TARS1: variants seen among roughly 807,000 people sequenced by gnomAD.
The protein encoded by TARS1 is threonine--tRNA ligase 1, cytoplasmic.
A neutral mutation model predicts 97.7 loss-of-function variants in TARS1; 57 were observed. The observed-to-expected ratio is 0.58, with a 90% CI of 0.47 to 0.73. The LOEUF is 0.73. Among genes scored for constraint, TARS1 ranks in the 30% least tolerant of loss-of-function variants. The pLI, the probability that TARS1 is intolerant of heterozygous loss-of-function variation, is 0.00. For missense variants in TARS1, 806 were observed against 888.3 expected (o/e 0.91, Z 1.18); for synonymous variants, 312 against 293.7 (o/e 1.06, Z -0.64).
chr5:33,441,204 G>A, intron 1 of TARS1, 61 bp downstream of exon 1: 1 of 1,599,414 alleles, frequency 6.3e-7, no homozygotes. Context: ...CAGACGCTAC[G>A]CTCGCGGCGG....
chr5:33,448,663 G>T lies in TARS1; in HGVS notation c.261G>T (p.Leu87Phe). The change falls in exon 3 of 19, where the codon TTG becomes TTT. Residue 87 changes from leucine to phenylalanine, a missense_variant. Physicochemically the swap from Leu to Phe is conservative, Grantham distance 22 (BLOSUM62 0). Around this residue, in one of 3 missense-constraint regions of TARS1, gnomAD observed 356 missense variants for 357.8 expected, o/e 0.99. Coordinates refer to ENST00000265112, the MANE Select transcript of TARS1 (RefSeq NM_152295.5). ...EKDSKPIKVT[L>F]PDGKQVDAES... ...ATAGCAAGCCAATTAAAGTCACTTT[G>T]CCTGATGGTAAACAGGTTGATGCGG... 6.2e-7 allele frequency: 1 copy of T among 1,613,886 alleles called. No individual in the cohort carries two copies. The highest frequency in any genetic ancestry group is 8.5e-7 in the Non-Finnish European group (1 of 1,179,900).
In TARS1 at chr5:33,463,753, G is replaced by A. The variant is rs1742403673; in HGVS notation, c.1836G>A (p.Trp612Ter). The change falls in exon 17 of 19, where the codon TGG becomes TGA. Residue 612 changes from tryptophan to a stop codon, truncating the protein, a stop_gained and splice_region_variant. Coordinates refer to ENST00000265112, the MANE Select transcript of TARS1 (RefSeq NM_152295.5). LOFTEE classifies it high-confidence loss of function. The part of the protein sequence containing the change: ...AILTENYGGK[W>*]PFWLSPRQVM... Reference sequence around the variant, plus strand: ...TGAATATTTTTATTCTCTTCCAAAGGCCCTTTTGGCTGTCCCCTCGCCAGG... The same window carrying A: ...TGAATATTTTTATTCTCTTCCAAAGACCCTTTTGGCTGTCCCCTCGCCAGG... 1 of 1,610,530 alleles carries A rather than the reference G, an allele frequency of 6.2e-7. No homozygotes were observed. Among genetic ancestry groups the A allele is most frequent in the Non-Finnish European group, 8.5e-7 (1 of 1,178,068 alleles).
chr5:33,449,294 G>C (rs1269102384), intron 3 of TARS1, among the ~76,000 whole-genome samples: 1 of 149,428 alleles, frequency 6.7e-6, no homozygotes. Flanking sequence ...ATCAAAATAA[G>C]AGTTGGTAAA....
intron 4 of TARS1, among the ~76,000 whole-genome samples, chr5:33,454,596 C>G (rs945924536): frequency 2.0e-5 from 3 of 152,204 alleles, no homozygotes; most frequent in Non-Finnish European, 4.4e-5. Context: ...CACATTGACT[C>G]AAAAGAACCT....
chr5:33,464,261 G>A (rs1442680261), intron 17 of TARS1, among the ~76,000 whole-genome samples: 1 of 152,094 alleles, frequency 6.6e-6, no homozygotes, highest in Admixed American at 6.6e-5. Flanking sequence ...AACCAGATTA[G>A]CAGATATCAG....
Position 33,448,662 on chromosome 5 carries a change from T to C in TARS1, c.260T>C (p.Leu87Ser). Reference protein sequence around the residue: ...EKDSKPIKVTLPDGKQVDAES... With the variant: ...EKDSKPIKVTSPDGKQVDAES... ...GATAGCAAGCCAATTAAAGTCACTTTGCCTGATGGTAAACAGGTTGATGCG... is the reference window on the plus strand; with the variant it reads ...GATAGCAAGCCAATTAAAGTCACTTCGCCTGATGGTAAACAGGTTGATGCG... Residue 87 changes from leucine (L) to serine (S), a missense_variant, in exon 3 of 19, where the codon TTG becomes TCG. Physicochemically the swap from Leu to Ser is moderately radical, Grantham distance 145. Around this residue, in one of 3 missense-constraint regions of TARS1, gnomAD observed 356 missense variants for 357.8 expected, o/e 0.99. Coordinates refer to ENST00000265112, the MANE Select transcript of TARS1 (RefSeq NM_152295.5). 6.2e-7 allele frequency: 1 copy of C among 1,613,946 alleles called. No homozygotes were observed. The highest frequency in any genetic ancestry group is 8.5e-7 in the Non-Finnish European group (1 of 1,179,912).
rs1327087255 is a variant in TARS1 at position 33,460,681 on chromosome 5, C to T, written c.1251-221C>T. ...CCCAGATTCTTCAGTTGTTGGAATACGTTTTTTAATTCTTCACTGTGGTTC... is the reference window on the plus strand; with the variant it reads ...CCCAGATTCTTCAGTTGTTGGAATATGTTTTTTAATTCTTCACTGTGGTTC... On this transcript the variant is annotated intron_variant, in intron 11 of 18. Coordinates refer to ENST00000265112, the MANE Select transcript of TARS1 (RefSeq NM_152295.5). Among the ~76,000 whole-genome samples the T allele has an allele frequency of 3.3e-5, 5 of 152,310 alleles. No individual in the cohort carries two copies. The East Asian group carries it at 5.8e-4, about 18-fold the overall frequency.
In TARS1 at chr5:33,460,916, A is replaced by T; in HGVS notation, c.1265A>T (p.His422Leu). The T allele has an allele frequency of 6.2e-7, 1 of 1,614,096 alleles. No individual in the cohort carries two copies. The highest frequency in any genetic ancestry group is 8.5e-7 in the Non-Finnish European group (1 of 1,180,004). Residue 422 changes from histidine (H) to leucine (L), a missense_variant, in exon 12 of 19, where the codon CAT (histidine) becomes CTT (leucine). By Grantham distance (99) the His-to-Leu change is moderately conservative (BLOSUM62 -3). Coordinates refer to ENST00000265112, the MANE Select transcript of TARS1 (RefSeq NM_152295.5). ...NCPGHCLMFD[H>L]RPRSWRELPL... ...TTTCTCTTCAGCCTTATGTTTGATC[A>T]TCGGCCAAGGTCCTGGCGAGAACTG...
chr5:33,445,123 A>G (rs1443725157), intron 1 of TARS1, among the ~76,000 whole-genome samples: 1 of 152,148 alleles, frequency 6.6e-6, no homozygotes, highest in Admixed American at 6.5e-5. Flanking sequence ...ACTCCTTCCT[A>G]CTTTTTAAAG....
chr5:33,450,804 G>A (rs1172655569), intron 3 of TARS1, among the ~76,000 whole-genome samples: 1 of 152,124 alleles, frequency 6.6e-6, no homozygotes, highest in Non-Finnish European at 1.5e-5. Flanking sequence ...TATTCTTCAA[G>A]AACTATAAAA....
chr5:33,440,896 C>A, upstream of TARS1: 1 of 621,442 alleles, frequency 1.6e-6, no homozygotes, highest in Admixed American at 3.0e-5. Context: ...GAGGGAGGGC[C>A]CGCCTTCCCC....
chr5:33,453,436 TG>T (rs1741851252), intron 4 of TARS1, 24 bp downstream of exon 4: 1 of 1,612,420 alleles, frequency 6.2e-7, no homozygotes, highest in Non-Finnish European at 8.5e-7. Context: ...TAGTATTCAT[TG>T]AATTTTAGGA....
rs144362717 is a variant in TARS1, at chr5:33,441,142, C to G, written c.56C>G (p.Pro19Arg). ...PSGKMGGEEK[P>R]IGAGEEKQKE... is the part of the protein sequence containing the mutation. ...GGGAAGATGGGAGGCGAGGAGAAGC[C>G]GGTGAGCAAACTTGGTGGGACCCAG... is the stretch of plus-strand genomic sequence containing the variant. The change falls in exon 1 of 19, where the codon CCG becomes CGG. Residue 19 changes from proline (P) to arginine (R), a missense_variant and splice_region_variant. Transcript: ENST00000265112. 1.6e-4 allele frequency: 258 copies of G among 1,614,008 alleles called. No individual in the cohort carries two copies. The highest frequency in any genetic ancestry group is 2.0e-4 in the Non-Finnish European group (238 of 1,180,026).
intron 13 of TARS1, 50 bp from the exon 14 acceptor site, chr5:33,461,617 G>T: frequency 6.5e-7 from 1 of 1,540,400 alleles, no homozygotes; most frequent in Non-Finnish European, 8.9e-7. Flanking sequence ...TAGGCTAAAA[G>T]AAGGGAAATT....
chr5:33,443,306 CCTCTCTCTCTCTCCCTCTCTCTCT>C (rs1741214184), intron 1 of TARS1, among the ~76,000 whole-genome samples: 1 of 85,510 alleles, frequency 1.2e-5, no homozygotes, highest in Non-Finnish European at 2.3e-5. Context: ...GTGGTGATTC[CCTCTCTCTCTCTCCCTCTCTCTCT>C]CTCTCTCTCT....
At chr5:33,446,670 A>G in intron 2 of TARS1, 1 of 1,289,308 alleles carries the variant, frequency 7.8e-7, no homozygotes, top group South Asian at 1.2e-5. Context: ...TATCTGCTGA[A>G]TGAATGTTGA....
At chr5:33,444,731 A>G (rs1741321720) in intron 1 of TARS1, among the ~76,000 whole-genome samples, 1 of 152,188 alleles carries the variant, frequency 6.6e-6, no homozygotes, top group Admixed American at 6.5e-5. Flanking sequence ...CTCAGAATCC[A>G]CCTGTTGAAA....
chr5:33,463,887 A>G (rs1742412890), intron 17 of TARS1, 62 bp downstream of exon 17: 3 of 1,409,310 alleles, frequency 2.1e-6, no homozygotes, highest in African/African-American at 2.8e-5. Flanking sequence ...TTCAAATCAC[A>G]TAAGCCCTGT....
Position 33,466,904 on chromosome 5 carries a change from G to A in TARS1, c.1942G>A (p.Ala648Thr), listed in dbSNP as rs745867928. The A allele has an allele frequency of 1.2e-6, 2 of 1,601,772 alleles. No individual in the cohort carries two copies. The highest frequency in any genetic ancestry group is 2.3e-5 in the East Asian group (1 of 43,840). Residue 648 changes from alanine (A) to threonine (T), a missense_variant, in exon 18 of 19, where the codon GCA (alanine) becomes ACA (threonine). Transcript: ENST00000265112. The part of the protein sequence containing the change: ...RQQFHDAKFM[A>T]DIDLDPGCTL... ...ACAATTCCACGATGCCAAATTCATG[G>A]CAGACATTGATCTGGATCCAGGCTG...
Sources: allele counts gnomAD v4.1 joint callset (sites outside exome capture counted in the v4.1 genomes callset), GRCh38; gene constraint gnomAD v4.1.1; regional missense constraint gnomAD v4.1.1; transcripts MANE v1.5; gene names NCBI Gene and HGNC (gene_info 2026-07-23, HGNC 2026-07-21).